The following PRKN variants were observed in gnomAD, a reference collection of about 807,000 sequenced individuals.
PRKN encodes the protein E3 ubiquitin-protein ligase parkin.
PRKN carries 56 observed loss-of-function variants against 59.5 expected under a neutral mutation model. The ratio of observed to expected loss-of-function variants is 0.94; its 90% CI spans 0.76 to 1.18. The LOEUF (loss-of-function observed/expected upper bound fraction) is 1.18, where lower values mean the gene tolerates loss of function less well. PRKN is among the 50% of genes most tolerant of loss of function. PRKN has a pLI of 0.00. For missense variants in PRKN, 657 were observed against 596.4 expected, an observed-to-expected ratio of 1.10 and a Z score of -1.06; for synonymous variants, 250 against 222.1, an observed-to-expected ratio of 1.13 and a Z score of -1.12.
At chr6:161,860,020 G>GT (rs1195980624) in intron 6 of PRKN, among the ~76,000 whole-genome samples, 2 of 151,956 alleles carry the variant, frequency 1.3e-5, no homozygotes, top group Non-Finnish European at 2.9e-5. Context: ...TTTGTGGAGG[G>GT]TTTTTTTGAC....
At chr6:162,203,656 G>A (rs540269727) in intron 3 of PRKN, among the ~76,000 whole-genome samples, 1 of 152,270 alleles carries the variant, frequency 6.6e-6, no homozygotes, top group African/African-American at 2.4e-5. Context: ...TGAATATGGA[G>A]TCATAACTCT....
chr6:161,643,432 T>C (rs1273335372), intron 7 of PRKN, among the ~76,000 whole-genome samples: 1 of 152,204 alleles, frequency 6.6e-6, no homozygotes, highest in African/African-American at 2.4e-5. Context: ...CTATATACAT[T>C]GCTAGGAGAA....
chr6:161,514,266 A>G (rs1778506081), intron 9 of PRKN, among the ~76,000 whole-genome samples: 1 of 152,140 alleles, frequency 6.6e-6, no homozygotes. Flanking sequence ...TATTTATCCA[A>G]CTGGGCAAGG....
intron 9 of PRKN, among the ~76,000 whole-genome samples, chr6:161,422,248 G>C (rs1367756946): frequency 6.7e-6 from 1 of 150,022 alleles, no homozygotes; most frequent in Non-Finnish European, 1.5e-5. Context: ...GCCCACGCTG[G>C]AGTGCAGTGG....
At chr6:162,518,248 G>C (rs1777947647) in intron 1 of PRKN, among the ~76,000 whole-genome samples, 1 of 152,006 alleles carries the variant, frequency 6.6e-6, no homozygotes. Context: ...ATTAATATAA[G>C]CACTTATCAT....
At chr6:162,421,353 T>C (rs773098360) in intron 2 of PRKN, among the ~76,000 whole-genome samples, 20 of 152,164 alleles carry the variant, frequency 1.3e-4, no homozygotes, top group Non-Finnish European at 2.5e-4. Flanking sequence ...GTAAAGAATC[T>C]AGGCTGTTAA....
chr6:162,374,983 C>T (rs975414353), intron 2 of PRKN, among the ~76,000 whole-genome samples: 1 of 151,862 alleles, frequency 6.6e-6, no homozygotes, highest in Admixed American at 6.6e-5. Context: ...GTGTTCATAA[C>T]AAAACAGATT....
intron 2 of PRKN, among the ~76,000 whole-genome samples, chr6:162,389,671 A>G (rs1242177956): frequency 6.6e-6 from 1 of 152,218 alleles, no homozygotes; most frequent in African/African-American, 2.4e-5. Flanking sequence ...ACCAGACATT[A>G]ATATTCTCAA....
chr6:161,949,367 C>T (rs946507510), intron 6 of PRKN, among the ~76,000 whole-genome samples: 1 of 152,058 alleles, frequency 6.6e-6, no homozygotes, highest in African/African-American at 2.4e-5. Context: ...AAAAATTAGC[C>T]GGGCATTGTG....
chr6:161,846,936 G>A (rs1793220123), intron 6 of PRKN, among the ~76,000 whole-genome samples: 1 of 152,024 alleles, frequency 6.6e-6, no homozygotes, highest in African/African-American at 2.4e-5. Context: ...GCTGTGCCAG[G>A]GTCTGTAAGA....
chr6:161,886,883 C>T (rs1052078603), intron 6 of PRKN, among the ~76,000 whole-genome samples: 4 of 151,906 alleles, frequency 2.6e-5, no homozygotes, highest in South Asian at 4.2e-4. Context: ...AAATTTTCTC[C>T]GTATTGCAAC....
chr6:161,918,783 T>C (rs1427722404), intron 6 of PRKN, among the ~76,000 whole-genome samples: 1 of 152,146 alleles, frequency 6.6e-6, no homozygotes, highest in Non-Finnish European at 1.5e-5. Flanking sequence ...TAACGAGATA[T>C]ACGACTGGGT....
intron 7 of PRKN, among the ~76,000 whole-genome samples, chr6:161,577,758 G>T (rs759063474): frequency 1.4e-4 from 21 of 152,100 alleles, no homozygotes; most frequent in Non-Finnish European, 2.4e-4. Flanking sequence ...GTATTTTCTG[G>T]TTTTTTGCAG....
At chr6:161,591,394 C>T (rs1036905843) in intron 7 of PRKN, among the ~76,000 whole-genome samples, 1 of 152,206 alleles carries the variant, frequency 6.6e-6, no homozygotes, top group East Asian at 1.9e-4. Flanking sequence ...GGAAATGACA[C>T]TCGAACAGCA....
chr6:162,106,209 T>C (rs140756280), intron 4 of PRKN, among the ~76,000 whole-genome samples: 1,665 of 152,266 alleles, frequency 0.011, 29 homozygotes, highest in African/African-American at 0.039. Context: ...GGGAACAGGC[T>C]GGGAGAAGAG....
At chr6:162,148,403 G>A (rs1369004486) in intron 4 of PRKN, among the ~76,000 whole-genome samples, 1 of 151,840 alleles carries the variant, frequency 6.6e-6, no homozygotes, top group Non-Finnish European at 1.5e-5. Flanking sequence ...TTAGAACATG[G>A]GGACCATTCT....
At chr6:161,933,111 C>G (rs1282437275) in intron 6 of PRKN, among the ~76,000 whole-genome samples, 2 of 152,038 alleles carry the variant, frequency 1.3e-5, no homozygotes, top group Non-Finnish European at 2.9e-5. Flanking sequence ...GAAAGCCCAT[C>G]TCTACTAAAA....
intron 2 of PRKN, among the ~76,000 whole-genome samples, chr6:162,412,464 G>A (rs1583527955): frequency 6.6e-6 from 1 of 151,868 alleles, no homozygotes; most frequent in East Asian, 2.0e-4. Flanking sequence ...TAGCAATCCA[G>A]TATACATTCA....
intron 4 of PRKN, among the ~76,000 whole-genome samples, chr6:162,060,852 A>G (rs557388713): frequency 1.3e-5 from 2 of 152,338 alleles, no homozygotes; most frequent in South Asian, 2.1e-4. Context: ...AACTATACTT[A>G]CCCTATTATC....
Sources: gnomAD v4.1 joint callset for allele counts (sites outside exome capture counted in the v4.1 genomes callset) on GRCh38, gnomAD v4.1.1 for gene constraint, MANE v1.5 for transcripts, NCBI Gene and HGNC (gene_info 2026-07-23, HGNC 2026-07-21) for gene names.